Variants in KDM4C observed in about 807,000 individuals in gnomAD.
KDM4C encodes lysine demethylase 4C, also known as lysine-specific demethylase 4C.
Under a neutral mutation model 129.3 loss-of-function variants are expected in KDM4C, and 81 were observed. That is an observed-to-expected ratio of 0.63 (90% CI 0.52 to 0.75). KDM4C has a LOEUF of 0.75. Among genes scored for constraint, KDM4C ranks in the 30% least tolerant of loss-of-function variants. The pLI, the probability that KDM4C is intolerant of heterozygous loss-of-function variation, is 0.00. For missense variants in KDM4C, 1,457 were observed against 1,304.0 expected, an observed-to-expected ratio of 1.12 and a Z score of -1.81; for synonymous variants, 573 against 456.1, an observed-to-expected ratio of 1.26 and a Z score of -3.26.
intron 8 of KDM4C, among the ~76,000 whole-genome samples, chr9:6,931,506 A>ATT (rs67510930): frequency 0.01 from 1,534 of 151,500 alleles, 26 homozygotes; most frequent in African/African-American, 0.032. Flanking sequence ...ATATATATAT[A>ATT]TTTTTTTTTC....
intron 5 of KDM4C, among the ~76,000 whole-genome samples, chr9:6,855,433 TGG>T (rs56379545): frequency 0.13 from 16,147 of 119,814 alleles, 1,044 homozygotes; most frequent in East Asian, 0.3. Flanking sequence ...CACTCCAGCC[TGG>T]GGAACACAGT....
intron 15 of KDM4C, 76 bp from the exon 16 acceptor site, chr9:7,046,786 G>A (rs1403613874): frequency 1.0e-6 from 1 of 978,018 alleles, no homozygotes; most frequent in African/African-American, 1.6e-5. Flanking sequence ...CAGGATCTCT[G>A]AGAATATTTA....
chr9:7,013,473 C>G (rs1443345525), intron 13 of KDM4C, among the ~76,000 whole-genome samples: 1 of 152,166 alleles, frequency 6.6e-6, no homozygotes, highest in Non-Finnish European at 1.5e-5. Context: ...TCTGTTAACT[C>G]TAGTGCATAT....
At chr9:7,088,854 GA>G (rs58931891) in intron 17 of KDM4C, among the ~76,000 whole-genome samples, 7 of 148,170 alleles carry the variant, frequency 4.7e-5, no homozygotes, top group East Asian at 3.9e-4. Flanking sequence ...AAAAGAAAAA[GA>G]AAAAAAAAAG....
At position 7,022,360 on chromosome 9, in the gene KDM4C, A is replaced by C. The variant is rs200090218; in HGVS notation, c.2259+6431A>C. On this transcript the variant is annotated intron_variant, in intron 15 of 21. Coordinates refer to ENST00000381309, the MANE Select transcript of KDM4C (RefSeq NM_015061.6). ...GTGTTTTATAGTTTTCATTGTAGAG[A>C]TCTTTCACTTCTCTGGTAAGTTAAA... is the stretch of plus-strand genomic sequence containing the variant. 2.0e-5 allele frequency among the ~76,000 whole-genome samples: 3 copies of C among 151,886 alleles called. No individual in the cohort carries two copies. In the East Asian group the frequency reaches 5.8e-4, roughly 29 times the overall value.
Position 6,740,313 on chromosome 9 carries a change from C to T in KDM4C, c.49+19316C>T, listed in dbSNP as rs577405727. Among the ~76,000 whole-genome samples the T allele has an allele frequency of 2.6e-5, 4 of 152,216 alleles. No individual in the cohort carries two copies. The East Asian group carries it at 7.7e-4, about 29-fold the overall frequency. On this transcript the variant is annotated intron_variant, in intron 1 of 17. Transcript: ENST00000536108. ...CCGCCTCCCGGGTTCACGCCATTCT[C>T]CTGCCTCAGCCTCCCTAGCAGCTGA...
intron 18 of KDM4C, among the ~76,000 whole-genome samples, chr9:7,109,215 A>G (rs1224822169): frequency 6.6e-6 from 1 of 152,182 alleles, no homozygotes; most frequent in African/African-American, 2.4e-5. Context: ...GTACCACAGG[A>G]TTTTATACTT....
At chr9:7,107,820 G>T (rs987303218) in intron 18 of KDM4C, among the ~76,000 whole-genome samples, 18 of 151,866 alleles carry the variant, frequency 1.2e-4, no homozygotes, top group African/African-American at 4.4e-4. Flanking sequence ...TAGTATTATT[G>T]TAGCTAGGTC....
intron 8 of KDM4C, among the ~76,000 whole-genome samples, chr9:6,926,386 C>T (rs1348232703): frequency 8.4e-6 from 1 of 119,740 alleles, no homozygotes; most frequent in African/African-American, 2.9e-5. Flanking sequence ...GAAAGGGACA[C>T]ATGAGGTGAA....
At chr9:6,930,264 A>G (rs947919183) in intron 8 of KDM4C, among the ~76,000 whole-genome samples, 4 of 152,180 alleles carry the variant, frequency 2.6e-5, no homozygotes, top group East Asian at 1.9e-4. Flanking sequence ...GAATTTTCAC[A>G]TTCTCAGAAT....
intron 2 of KDM4C, among the ~76,000 whole-genome samples, chr9:6,803,048 C>T (rs1829305392): frequency 6.6e-6 from 1 of 152,154 alleles, no homozygotes; most frequent in East Asian, 1.9e-4. Context: ...AACTAAAGCC[C>T]AGCAATGAAG....
intron 8 of KDM4C, among the ~76,000 whole-genome samples, chr9:6,921,748 A>C (rs1279729898): frequency 6.6e-6 from 1 of 152,036 alleles, no homozygotes; most frequent in East Asian, 1.9e-4. Flanking sequence ...TATGCTTACC[A>C]TGGTGAGCAA....
chr9:6,861,928 T>G (rs1446437947), intron 5 of KDM4C, among the ~76,000 whole-genome samples: 1 of 151,946 alleles, frequency 6.6e-6, no homozygotes, highest in Admixed American at 6.6e-5. Flanking sequence ...TGTGCCACCA[T>G]GCCTGGCTAA....
At chr9:6,973,101 T>C (rs959468503) in intron 8 of KDM4C, among the ~76,000 whole-genome samples, 57 of 152,364 alleles carry the variant, frequency 3.7e-4, no homozygotes, top group African/African-American at 1.3e-3. Flanking sequence ...CTACTGTTTT[T>C]ATGGAGAAGT....
intron 2 of KDM4C, among the ~76,000 whole-genome samples, chr9:6,801,812 G>A (rs1469244677): frequency 2.0e-5 from 3 of 152,112 alleles, no homozygotes; most frequent in Non-Finnish European, 4.4e-5. Flanking sequence ...TTATAAAAGA[G>A]AGTATCAGTG....
chr9:6,852,138 T>C (rs1838962431), intron 5 of KDM4C, among the ~76,000 whole-genome samples: 1 of 152,238 alleles, frequency 6.6e-6, no homozygotes, highest in South Asian at 2.1e-4. Context: ...CTAGTAGATG[T>C]ATGAAATATT....
intron 1 of KDM4C, among the ~76,000 whole-genome samples, chr9:6,731,967 A>G (rs892324610): frequency 1.3e-5 from 2 of 152,156 alleles, no homozygotes; most frequent in African/African-American, 4.8e-5. Context: ...ACAGTGCACC[A>G]GGGAGACTAT....
At chr9:7,135,723 C>T (rs1841132609) in intron 19 of KDM4C, among the ~76,000 whole-genome samples, 1 of 152,118 alleles carries the variant, frequency 6.6e-6, no homozygotes, top group South Asian at 2.1e-4. Context: ...GTTGGAAAGA[C>T]TAAGAAAAAA....
At chr9:6,913,039 G>A (rs1216301613) in intron 8 of KDM4C, among the ~76,000 whole-genome samples, 3 of 152,082 alleles carry the variant, frequency 2.0e-5, no homozygotes, top group Non-Finnish European at 2.9e-5. Flanking sequence ...AATACTGGTC[G>A]TATCAGTCCT....
Sources: allele counts gnomAD v4.1 joint callset (sites outside exome capture counted in the v4.1 genomes callset), GRCh38; gene constraint gnomAD v4.1.1; transcripts MANE v1.5; gene names NCBI Gene and HGNC (gene_info 2026-07-23, HGNC 2026-07-21).